The following ZC3H12B variants were observed in gnomAD, a reference collection of about 807,000 sequenced individuals.
The protein encoded by ZC3H12B is probable ribonuclease ZC3H12B.
In ZC3H12B, 7 loss-of-function variants were observed where a neutral mutation model predicts 43.9. The ratio of observed to expected loss-of-function variants is 0.16; its 90% CI spans 0.09 to 0.30. ZC3H12B has a LOEUF of 0.30. Among genes scored for constraint, ZC3H12B ranks in the 10% least tolerant of loss-of-function variants. The probability of loss-of-function intolerance (pLI) is 1.00; values close to 1 mark genes in which losing one functional copy is unlikely to be tolerated. For missense variants in ZC3H12B, 475 were observed against 670.2 expected (o/e 0.71, Z 3.22); for synonymous variants, 222 against 241.7 (o/e 0.92, Z 0.76).
chrX:65,279,451 C>T, the ZC3H12B span, among the ~76,000 whole-genome samples: 1 of 110,554 alleles, frequency 9.0e-6, no homozygotes, highest in African/African-American at 3.3e-5. Context: ...ACAAAGCTGA[C>T]AAAAACAAGC....
At chrX:65,144,264 C>A in the ZC3H12B span, among the ~76,000 whole-genome samples, 110 of 111,764 alleles carry the variant, frequency 9.8e-4, no homozygotes, top group African/African-American at 3.4e-3. Context: ...AGTTTATCTA[C>A]ATAAAGGTGT....
intron 2 of ZC3H12B, among the ~76,000 whole-genome samples, chrX:65,384,616 A>C (rs757251890): frequency 1.9e-4 from 21 of 111,716 alleles, no homozygotes; most frequent in African/African-American, 6.5e-4. Flanking sequence ...AAAAAATGGC[A>C]GGAGTAATTC....
the ZC3H12B span, among the ~76,000 whole-genome samples, chrX:65,169,581 G>C: frequency 9.0e-6 from 1 of 111,377 alleles, no homozygotes; most frequent in Admixed American, 9.6e-5. Context: ...TCAATTCCTG[G>C]ATATCCTTTT....
intron 2 of ZC3H12B, among the ~76,000 whole-genome samples, chrX:65,372,250 G>T (rs1051829688): frequency 8.9e-6 from 1 of 111,882 alleles, no homozygotes; most frequent in African/African-American, 3.2e-5. Context: ...GGCTCTGAAA[G>T]TTGATATTAG....
chrX:65,266,596 G>A, the ZC3H12B span, among the ~76,000 whole-genome samples: 262 of 111,929 alleles, frequency 2.3e-3, 1 homozygote, highest in African/African-American at 8.0e-3. Flanking sequence ...GAGCGCTATG[G>A]AATGTTGAAT....
the ZC3H12B span, among the ~76,000 whole-genome samples, chrX:65,346,216 A>G: frequency 2.7e-5 from 3 of 110,060 alleles, no homozygotes; most frequent in Non-Finnish European, 5.7e-5. Flanking sequence ...CTGACTTCAA[A>G]CTATACTATA....
intron 3 of ZC3H12B, among the ~76,000 whole-genome samples, chrX:65,462,221 A>C (rs954892239): frequency 1.8e-5 from 2 of 111,104 alleles, no homozygotes; most frequent in Non-Finnish European, 3.8e-5. Flanking sequence ...CATTTTTAAA[A>C]ACTTCAAGGC....
chrX:65,212,075 TA>T, the ZC3H12B span, among the ~76,000 whole-genome samples: 1 of 61,950 alleles, frequency 1.6e-5, no homozygotes, highest in Non-Finnish European at 2.6e-5. Flanking sequence ...GTATAATATA[TA>T]GTATATATTG....
the ZC3H12B span, among the ~76,000 whole-genome samples, chrX:65,038,189 T>A: frequency 9.0e-6 from 1 of 111,406 alleles, no homozygotes; most frequent in East Asian, 2.8e-4. Flanking sequence ...ATTCACAGAT[T>A]TACTCTGAGG....
the ZC3H12B span, among the ~76,000 whole-genome samples, chrX:65,161,297 A>G: frequency 2.7e-5 from 3 of 111,304 alleles, no homozygotes; most frequent in Non-Finnish European, 3.8e-5. Context: ...GCAGAGCTGA[A>G]TTCAATTCCT....
intron 2 of ZC3H12B, among the ~76,000 whole-genome samples, chrX:65,395,268 G>A (rs984940366): frequency 5.4e-5 from 6 of 111,853 alleles, no homozygotes; most frequent in Non-Finnish European, 1.1e-4. Context: ...GTGAGAGAGG[G>A]CATCCTTGTT....
upstream of ZC3H12B, among the ~76,000 whole-genome samples, chrX:65,486,089 C>T (rs1400946502): frequency 8.9e-6 from 1 of 112,251 alleles, no homozygotes; most frequent in African/African-American, 3.2e-5. Context: ...AACCACCACA[C>T]CTATCTCCCA....
chrX:65,186,645 G>A, the ZC3H12B span: 1 of 109,807 alleles, frequency 9.1e-6, no homozygotes, highest in Non-Finnish European at 1.9e-5. Flanking sequence ...CCCAAACAGT[G>A]TACACTGTAC....
chrX:65,064,342 G>T, the ZC3H12B span, among the ~76,000 whole-genome samples: 1 of 111,911 alleles, frequency 8.9e-6, no homozygotes, highest in Admixed American at 9.5e-5. Context: ...AGAGATTCTG[G>T]TATGTTGTGT....
the ZC3H12B span, among the ~76,000 whole-genome samples, chrX:65,169,557 G>A: frequency 8.9e-6 from 1 of 111,833 alleles, no homozygotes; most frequent in Non-Finnish European, 1.9e-5. Flanking sequence ...GATCTGCTTA[G>A]TGCACAGCTG....
chrX:65,087,636 G>T, the ZC3H12B span, among the ~76,000 whole-genome samples: 1 of 111,672 alleles, frequency 9.0e-6, no homozygotes, highest in African/African-American at 3.3e-5. Flanking sequence ...ATAGAAAGTA[G>T]TATGCATGAA....
the ZC3H12B span, among the ~76,000 whole-genome samples, chrX:65,326,202 G>A: frequency 2.7e-5 from 3 of 111,567 alleles, no homozygotes; most frequent in African/African-American, 6.5e-5. Context: ...GTGCAACAAA[G>A]GAAACAAATG....
the ZC3H12B span, among the ~76,000 whole-genome samples, chrX:65,122,293 T>G: frequency 9.0e-6 from 1 of 110,880 alleles, no homozygotes; most frequent in Non-Finnish European, 1.9e-5. Flanking sequence ...CTAAGCCTCA[T>G]AAATGAAGGA....
chrX:65,189,715 A>G, the ZC3H12B span, among the ~76,000 whole-genome samples: 1 of 108,532 alleles, frequency 9.2e-6, no homozygotes, highest in East Asian at 2.9e-4. Flanking sequence ...TCAGATGAGT[A>G]GGTTGCGAAA....
Sources: allele counts gnomAD v4.1 joint callset (sites outside exome capture counted in the v4.1 genomes callset), GRCh38; gene constraint gnomAD v4.1.1; transcripts MANE v1.5; gene names NCBI Gene and HGNC (gene_info 2026-07-23, HGNC 2026-07-21).